The following COMMD10 variants were observed in gnomAD, a reference collection of about 807,000 sequenced individuals.
COMMD10 encodes COMM domain-containing protein 10.
In COMMD10, 33 loss-of-function variants were observed where a neutral mutation model predicts 28.9. The observed-to-expected ratio is 1.14, with a 90% CI of 0.87 to 1.53. COMMD10 has a LOEUF of 1.53. Ranked by LOEUF, COMMD10 falls within the 40% of genes most tolerant of loss-of-function variation. The pLI, the probability that COMMD10 is intolerant of heterozygous loss-of-function variation, is 0.00. For missense variants in COMMD10, 310 were observed against 233.4 expected (o/e 1.33, Z -2.14); for synonymous variants, 110 against 81.7 (o/e 1.35, Z -1.87).
At chr5:116,264,330 T>A (rs1750526547) in intron 5 of COMMD10, among the ~76,000 whole-genome samples, 1 of 151,900 alleles carries the variant, frequency 6.6e-6, no homozygotes, top group African/African-American at 2.4e-5. Context: ...AAGTGTTTAA[T>A]ATTTTAGTTT....
chr5:116,123,925 TC>T lies in COMMD10; in HGVS notation c.400-10142del, dbSNP rs1751527154. Among the ~76,000 whole-genome samples, 4 of 67,280 alleles carry T rather than the reference TC, an allele frequency of 5.9e-5. No homozygotes were observed. The East Asian group carries it at 5.1e-3, about 86-fold the overall frequency. 44.1% of individuals were successfully genotyped at this position (67,280 alleles called of 152,430 possible). ...GGGATTGGTGGTGATATCCCCTTTA[TC>T]ATTTTTTTTTATCTATTTGATTCTT... On this transcript the variant is annotated intron_variant, in intron 4 of 6. Coordinates refer to ENST00000274458, the MANE Select transcript of COMMD10 (RefSeq NM_016144.4).
At chr5:116,098,585 T>A (rs1221296732) in intron 4 of COMMD10, among the ~76,000 whole-genome samples, 2 of 152,222 alleles carry the variant, frequency 1.3e-5, no homozygotes, top group Non-Finnish European at 2.9e-5. Context: ...TAGAGATGAT[T>A]TAAAGTATAA....
chr5:116,163,590 C>G (rs1041283992), intron 5 of COMMD10, among the ~76,000 whole-genome samples: 2 of 151,276 alleles, frequency 1.3e-5, no homozygotes, highest in Non-Finnish European at 2.9e-5. Context: ...ACTCTGTCTC[C>G]AAAAAAATAA....
At chr5:116,203,341 C>A (rs1323492506) in intron 5 of COMMD10, among the ~76,000 whole-genome samples, 2 of 151,976 alleles carry the variant, frequency 1.3e-5, no homozygotes, top group African/African-American at 2.4e-5. Context: ...GGAGAACTTC[C>A]CCAATCTAGC....
chr5:116,129,034 G>T (rs1236714887), intron 4 of COMMD10, among the ~76,000 whole-genome samples: 2 of 151,808 alleles, frequency 1.3e-5, no homozygotes, highest in African/African-American at 4.8e-5. Context: ...AAGAGCAGTC[G>T]TGGGTAGATA....
At chr5:116,286,360 T>G (rs1473983296) in intron 5 of COMMD10, among the ~76,000 whole-genome samples, 1 of 151,218 alleles carries the variant, frequency 6.6e-6, no homozygotes, top group Non-Finnish European at 1.5e-5. Context: ...CTATGTCATT[T>G]ATCTCTGTTG....
At chr5:116,175,274 TTGC>T (rs1753467189) in intron 5 of COMMD10, among the ~76,000 whole-genome samples, 3 of 152,044 alleles carry the variant, frequency 2.0e-5, no homozygotes, top group African/African-American at 7.2e-5. Context: ...TAAAAAAAAA[TTGC>T]TGCAGCTCAG....
intron 1 of COMMD10, 55 bp from the exon 2 acceptor site, chr5:116,087,442 G>A: frequency 1.0e-6 from 1 of 995,940 alleles, no homozygotes; most frequent in Non-Finnish European, 1.6e-6. Context: ...ACTATAGAAA[G>A]TGCAGTTCAA....
intron 5 of COMMD10, among the ~76,000 whole-genome samples, chr5:116,184,847 A>G (rs1358339300): frequency 2.0e-5 from 3 of 152,098 alleles, no homozygotes; most frequent in Admixed American, 2.0e-4. Context: ...CTTGGAGGCA[A>G]TGTAATATAA....
At chr5:116,274,554 C>A (rs1309215320) in intron 5 of COMMD10, among the ~76,000 whole-genome samples, 1 of 151,774 alleles carries the variant, frequency 6.6e-6, no homozygotes. Context: ...ACTGTATACT[C>A]ATTCCTCTGT....
intron 4 of COMMD10, among the ~76,000 whole-genome samples, chr5:116,093,860 G>T (rs1750382174): frequency 6.6e-6 from 1 of 152,140 alleles, no homozygotes; most frequent in Admixed American, 6.5e-5. Flanking sequence ...AAAATACCCA[G>T]AAGTAAACCC....
chr5:116,250,843 T>G (rs538983200), intron 5 of COMMD10, among the ~76,000 whole-genome samples: 65 of 152,112 alleles, frequency 4.3e-4, no homozygotes, highest in African/African-American at 1.5e-3. Context: ...CTCACCTACT[T>G]CACTTTTACA....
At chr5:116,204,367 A>G (rs1038202028) in intron 5 of COMMD10, among the ~76,000 whole-genome samples, 2 of 152,184 alleles carry the variant, frequency 1.3e-5, no homozygotes, top group African/African-American at 4.8e-5. Context: ...ATATAGGGAA[A>G]TATTACAGTG....
chr5:116,224,753 C>G lies in COMMD10; in HGVS notation c.511-66764C>G, dbSNP rs148463297. 9.7e-3 allele frequency among the ~76,000 whole-genome samples: 1,483 copies of G among 152,220 alleles called. 28 individuals are homozygous for G. The highest frequency in any genetic ancestry group is 0.034 in the African/African-American group (1,392 of 41,526). Reference sequence around the variant, plus strand: ...TGAGGTTTGGAGGGGACAAAACATTCAAACCGTATCACCCGGGATATTGTT... The same window carrying G: ...TGAGGTTTGGAGGGGACAAAACATTGAAACCGTATCACCCGGGATATTGTT... On this transcript the variant is annotated intron_variant, in intron 5 of 6. Coordinates refer to ENST00000274458, the MANE Select transcript of COMMD10 (RefSeq NM_016144.4).
intron 5 of COMMD10, among the ~76,000 whole-genome samples, chr5:116,169,190 C>T (rs527648726): frequency 1.3e-5 from 2 of 152,160 alleles, no homozygotes; most frequent in Middle Eastern, 3.4e-3. Context: ...CACAGAAATA[C>T]AAACTACCAT....
intron 5 of COMMD10, among the ~76,000 whole-genome samples, chr5:116,289,366 C>A (rs972523338): frequency 2.6e-4 from 40 of 151,816 alleles, no homozygotes; most frequent in Non-Finnish European, 5.1e-4. Context: ...ACAACTACCT[C>A]CCCTAGTCTT....
intron 5 of COMMD10, among the ~76,000 whole-genome samples, chr5:116,150,584 G>T (rs368963000): frequency 0.093 from 12,480 of 133,974 alleles, 912 homozygotes; most frequent in African/African-American, 0.21. Flanking sequence ...TCCCTTGTAA[G>T]TTGCATTCCT....
At chr5:116,216,152 T>G (rs1405245432) in intron 5 of COMMD10, among the ~76,000 whole-genome samples, 1 of 152,222 alleles carries the variant, frequency 6.6e-6, no homozygotes, top group East Asian at 1.9e-4. Flanking sequence ...CCAATATTTT[T>G]GCCTACATCT....
chr5:116,272,658 C>G (rs1279383025), intron 5 of COMMD10, among the ~76,000 whole-genome samples: 2 of 151,768 alleles, frequency 1.3e-5, no homozygotes, highest in East Asian at 3.9e-4. Context: ...TGTTACCATT[C>G]TTGGAAGAAA....
Sources: allele counts gnomAD v4.1 joint callset (sites outside exome capture counted in the v4.1 genomes callset), GRCh38; gene constraint gnomAD v4.1.1; transcripts MANE v1.5; gene names NCBI Gene and HGNC (gene_info 2026-07-23, HGNC 2026-07-21).